Variants in MCF2L observed in about 807,000 individuals in gnomAD.
MCF2L encodes MCF.2 cell line derived transforming sequence like.
In MCF2L, 97 loss-of-function variants were observed where a neutral mutation model predicts 153.4. The ratio of observed to expected loss-of-function variants is 0.63; its 90% CI spans 0.54 to 0.75. The LOEUF is 0.75. Among genes scored for constraint, MCF2L ranks in the 30% least tolerant of loss-of-function variants. The probability of loss-of-function intolerance (pLI) is 0.00; values close to 1 mark genes in which losing one functional copy is unlikely to be tolerated. For missense variants in MCF2L, 1,347 were observed against 1,495.2 expected (o/e 0.90, Z 1.64); for synonymous variants, 659 against 632.2 (o/e 1.04, Z -0.64).
chr13:112,894,475 G>A (rs925187432), intron 1 of MCF2L: 1 of 151,592 alleles, frequency 6.6e-6, no homozygotes, highest in Non-Finnish European at 1.5e-5. Context: ...GGGGTGACGG[G>A]AGGGGGCGCG....
chr13:113,096,967 G>T lies in MCF2L; in HGVS notation c.*108G>T. 1.4e-6 allele frequency: 1 copy of T among 735,442 alleles called. No homozygotes were observed. Among genetic ancestry groups the T allele is most frequent in the South Asian group, 3.4e-5 (1 of 29,588 alleles). 45.6% of individuals were successfully genotyped at this position (735,442 alleles called of 1,614,324 possible). Reference sequence around the variant, plus strand: ...AGGGGCACCTCACCGCCCCCACCCAGAGCGCCTGGCCGTGCGGGCTGCAGA... The same window carrying T: ...AGGGGCACCTCACCGCCCCCACCCATAGCGCCTGGCCGTGCGGGCTGCAGA... On this transcript the variant is annotated 3_prime_UTR_variant, in exon 30 of 30. Transcript: ENST00000535094.
rs138313822 is a variant in MCF2L at position 112,916,014 on chromosome 13, C to T, written c.169+13643C>T. Among the ~76,000 whole-genome samples the T allele has an allele frequency of 2.9e-3, 429 of 148,564 alleles. 4 individuals are homozygous for T. Among genetic ancestry groups the T allele is most frequent in the Admixed American group, 9.9e-3 (146 of 14,712 alleles). On this transcript the variant is annotated intron_variant, in intron 2 of 29. Coordinates refer to the MCF2L transcript ENST00000375608. The stretch of plus-strand genomic sequence containing the variant: ...GAGATCGAGACCATCCTGGTTAACA[C>T]GGTGAAACCCCGTCTCTACTAAAAA...
At chr13:112,934,684 G>A (rs1030005218) in intron 2 of MCF2L, among the ~76,000 whole-genome samples, 3 of 152,206 alleles carry the variant, frequency 2.0e-5, no homozygotes, top group African/African-American at 7.2e-5. Context: ...TGCTGTCACT[G>A]TGACTTGGGG....
chr13:113,025,203 G>A (rs1421538952), intron 3 of MCF2L, among the ~76,000 whole-genome samples: 1 of 107,294 alleles, frequency 9.3e-6, no homozygotes, highest in African/African-American at 3.6e-5. Flanking sequence ...TTTCCCCATT[G>A]TGGGGTCCCC....
intron 3 of MCF2L, among the ~76,000 whole-genome samples, chr13:113,033,691 G>T (rs1296082193): frequency 6.6e-6 from 1 of 152,050 alleles, no homozygotes; most frequent in East Asian, 1.9e-4. Context: ...TGCCATCTCT[G>T]GCTGGCCTGA....
At chr13:113,076,944 C>A in intron 12 of MCF2L, 108 bp from the exon 13 acceptor site, 1 of 1,208,138 alleles carries the variant, frequency 8.3e-7, no homozygotes, top group Non-Finnish European at 1.2e-6. Flanking sequence ...GCATGGAGAA[C>A]ATTTAAAGCG....
rs549078431 is a variant in MCF2L, at chr13:112,900,486, G to A, written c.-4-1713G>A. Among the ~76,000 whole-genome samples, 209 of 152,350 alleles carry A rather than the reference G, an allele frequency of 1.4e-3. 3 individuals carry two copies. Among genetic ancestry groups the A allele is most frequent in the South Asian group, 9.8e-3 (47 of 4,820 alleles). On this transcript the variant is annotated intron_variant, in intron 1 of 29. Transcript: ENST00000375608. ...ACACAGGAGCCAGGACGTGTAACAA[G>A]TTCTGAACAGTAGCAGCAAAGGGAT... is the stretch of plus-strand genomic sequence containing the variant.
At position 113,045,708 on chromosome 13, in the gene MCF2L, C is replaced by A; in HGVS notation, c.369+347C>A. The A allele has an allele frequency of 3.3e-6, 1 of 300,000 alleles. No homozygotes were observed. The highest frequency in any genetic ancestry group is 2.1e-5 in the African/African-American group (1 of 47,672). The allele number at this position is 300,000 out of a possible 1,614,324, so 18.6% of individuals were successfully genotyped here. A position where few individuals can be genotyped will look rare whatever the true frequency, so the allele number is the denominator to read the frequency against. On this transcript the variant is annotated intron_variant, in intron 4 of 29. Coordinates refer to ENST00000535094, the MANE Select transcript of MCF2L (RefSeq NM_001112732.3). This position sits in a 1 kb window ranked among gnomAD's most constrained non-coding sequence, Gnocchi z 4.2. The stretch of plus-strand genomic sequence containing the variant: ...TATACATTAGTGATTTTCTCCTTTC[C>A]AAATCGGGCCATCTATCTTTAGCTG...
chr13:113,015,050 C>T (rs1260475173), intron 2 of MCF2L, among the ~76,000 whole-genome samples: 1 of 152,222 alleles, frequency 6.6e-6, no homozygotes, highest in East Asian at 1.9e-4. Context: ...CACATGGCCA[C>T]TGGGAGGAGG....
rs375792215 is a variant in MCF2L, at chr13:113,024,711, G to A, written c.231G>A (p.Pro77=). ...FPDYPAFSEI[P]DKEFQNVMTY... Reference sequence around the variant, plus strand: ...ACTACCCGGCCTTCAGCGAGATTCCGGACAAGGAGTTCCAGAATGTCATGA... The same window carrying A: ...ACTACCCGGCCTTCAGCGAGATTCCAGACAAGGAGTTCCAGAATGTCATGA... The change falls in exon 3 of 30, where the codon CCG becomes CCA. Residue 77 remains proline, a synonymous_variant. Transcript: ENST00000535094. The A allele has an allele frequency of 3.5e-5, 57 of 1,614,084 alleles. No homozygotes were observed. The highest frequency in any genetic ancestry group is 8.9e-5 in the East Asian group (4 of 44,900).
At chr13:112,917,531 G>A (rs1268399478) in intron 2 of MCF2L, 1 of 256,218 alleles carries the variant, frequency 3.9e-6, no homozygotes, top group Admixed American at 5.0e-5. Context: ...GAAGGTGAGT[G>A]CGGGCCCTTC....
At chr13:112,942,171 T>G (rs570466349) in intron 2 of MCF2L, among the ~76,000 whole-genome samples, 2 of 152,378 alleles carry the variant, frequency 1.3e-5, no homozygotes, top group South Asian at 2.1e-4. Flanking sequence ...CTCCCTGTGA[T>G]GCTGTGCTTC....
rs2086101637 is a variant in MCF2L at position 113,035,536 on chromosome 13, C to T, written c.279-9735C>T. On this transcript the variant is annotated intron_variant, in intron 3 of 29. Coordinates refer to ENST00000535094, the MANE Select transcript of MCF2L (RefSeq NM_001112732.3). The surrounding 1 kb of genome is among the most constrained non-coding windows in gnomAD (Gnocchi z 4.4). ...TCCCTCAGGGGTCCTGTCTCCCCTC[C>T]TCTGGCCCCCTCCCTGGCTCCTTCG... 6.6e-6 allele frequency among the ~76,000 whole-genome samples: 1 copy of T among 152,210 alleles called. No homozygotes were observed. The highest frequency in any genetic ancestry group is 2.4e-5 in the African/African-American group (1 of 41,448).
chr13:112,976,246 A>G (rs1349607710), intron 1 of MCF2L, among the ~76,000 whole-genome samples: 10 of 151,918 alleles, frequency 6.6e-5, no homozygotes. Context: ...TAAAGAAATG[A>G]GACAAATCCC....
chr13:113,035,739 C>T lies in MCF2L; in HGVS notation c.279-9532C>T, dbSNP rs143133982. ...TTTTAAGGTCTTACTGTGGTGTGAGCGATCAGAGACCCCAGTGTTTACCAG... is the reference window on the plus strand; with the variant it reads ...TTTTAAGGTCTTACTGTGGTGTGAGTGATCAGAGACCCCAGTGTTTACCAG... On this transcript the variant is annotated intron_variant, in intron 3 of 29. Coordinates refer to ENST00000535094, the MANE Select transcript of MCF2L (RefSeq NM_001112732.3). This position sits in a 1 kb window ranked among gnomAD's most constrained non-coding sequence, Gnocchi z 4.4. Among the ~76,000 whole-genome samples the T allele has an allele frequency of 4.3e-3, 652 of 152,292 alleles. 7 individuals are homozygous for T. Among genetic ancestry groups the T allele is most frequent in the African/African-American group, 0.015 (615 of 41,562 alleles).
chr13:113,039,209 A>G (rs1445810766), intron 3 of MCF2L, among the ~76,000 whole-genome samples: 4 of 152,118 alleles, frequency 2.6e-5, no homozygotes, highest in African/African-American at 7.2e-5. Context: ...ACAGAGGGGG[A>G]TGGACGTCCT....
At chr13:112,940,813 T>TA (rs11312253) in intron 2 of MCF2L, among the ~76,000 whole-genome samples, 6 of 151,770 alleles carry the variant, frequency 4.0e-5, no homozygotes, top group East Asian at 1.9e-4. Context: ...CATGAGCACT[T>TA]AAAAAAAAAT....
upstream of MCF2L, chr13:112,968,333 G>T: frequency 8.1e-7 from 1 of 1,240,966 alleles, no homozygotes; most frequent in Non-Finnish European, 1.1e-6. Context: ...TTTGGGCGAG[G>T]AGAGCTCAGA....
chr13:113,001,666 G>C (rs2083384206), intron 1 of MCF2L: 3 of 1,329,544 alleles, frequency 2.3e-6, no homozygotes, highest in Non-Finnish European at 2.9e-6. Flanking sequence ...GATCGCAACA[G>C]TTAAGCTGCC....
Sources: gnomAD v4.1 joint callset for allele counts (sites outside exome capture counted in the v4.1 genomes callset) on GRCh38, gnomAD v4.1.1 for gene constraint, Gnocchi (gnomAD v3.1) non-coding constraint, MANE v1.5 for transcripts, NCBI Gene and HGNC (gene_info 2026-07-23, HGNC 2026-07-21) for gene names.